Variants in GANC observed in about 807,000 individuals in gnomAD.
GANC encodes neutral alpha-glucosidase C.
Under a neutral mutation model 124.2 loss-of-function variants are expected in GANC, and 117 were observed. The observed-to-expected ratio is 0.94, with a 90% CI of 0.81 to 1.10. The LOEUF is 1.10. Among genes scored for constraint, GANC ranks in the 50% least tolerant of loss-of-function variants. The probability of loss-of-function intolerance (pLI) is 0.00; values close to 1 mark genes in which losing one functional copy is unlikely to be tolerated. For missense variants in GANC, 1,140 were observed against 1,095.0 expected, an observed-to-expected ratio of 1.04 and a Z score of -0.58; for synonymous variants, 377 against 376.8, an observed-to-expected ratio of 1.00 and a Z score of -0.01.
chr15:42,278,340 T>C lies in GANC; in HGVS notation c.93-142T>C, dbSNP rs186153143. The C allele has an allele frequency of 1.6e-3, 841 of 523,300 alleles. 2 individuals carry two copies. The highest frequency in any genetic ancestry group is 2.7e-3 in the Non-Finnish European group (784 of 287,026). 32.4% of individuals were successfully genotyped at this position (523,300 alleles called of 1,614,324 possible). On this transcript the variant is annotated intron_variant, in intron 2 of 23. Transcript: ENST00000318010. Reference sequence around the variant, plus strand: ...ATAATAAAGTTCCTGATTAGCACTTTATTATAGTACTAATACTGTTTGTGC... The same window carrying C: ...ATAATAAAGTTCCTGATTAGCACTTCATTATAGTACTAATACTGTTTGTGC...
chr15:42,348,466 C>T (rs370420010), intron 21 of GANC, among the ~76,000 whole-genome samples: 40 of 152,296 alleles, frequency 2.6e-4, no homozygotes, highest in East Asian at 2.3e-3. Flanking sequence ...TTCAACTTGA[C>T]GTTGATTACT....
Position 42,310,747 on chromosome 15 carries a change from AC to A in GANC, c.959del (p.Thr320IlefsTer17), listed in dbSNP as rs757653747. 1 of 1,614,040 alleles carries A rather than the reference AC, an allele frequency of 6.2e-7. No individual in the cohort carries two copies. The highest frequency in any genetic ancestry group is 1.7e-5 in the Admixed American group (1 of 60,010). On this transcript the variant is annotated frameshift_variant, in exon 10 of 24. Coordinates refer to ENST00000318010, the MANE Select transcript of GANC (RefSeq NM_198141.3). LOFTEE classifies it high-confidence loss of function. ...VAAKQKVRSR[T>X]HVHWMSESGI... ...TGCTAAACAAAAGGTCAGATCTCGC[AC>A]TCATGTGCACTGGATGTCAGAGAGT...
At chr15:42,328,498 TA>T (rs2052214239) in intron 13 of GANC, among the ~76,000 whole-genome samples, 1 of 114,054 alleles carries the variant, frequency 8.8e-6, no homozygotes. Flanking sequence ...TGTTTAGAAA[TA>T]AAGATTCAAA....
chr15:42,342,320 A>G (rs905928613), intron 18 of GANC, among the ~76,000 whole-genome samples: 3 of 152,240 alleles, frequency 2.0e-5, no homozygotes, highest in Non-Finnish European at 2.9e-5. Flanking sequence ...ATGGTGGCTC[A>G]TGCCTGTAAT....
intron 15 of GANC, among the ~76,000 whole-genome samples, chr15:42,331,248 T>A (rs1392730315): frequency 1.3e-5 from 2 of 152,216 alleles, no homozygotes; most frequent in African/African-American, 4.8e-5. Flanking sequence ...ACTTCGTTGT[T>A]GGGAGAGTAA....
chr15:42,345,437 A>C (rs1287594756), intron 19 of GANC, among the ~76,000 whole-genome samples: 3 of 152,120 alleles, frequency 2.0e-5, no homozygotes, highest in Admixed American at 2.0e-4. Flanking sequence ...ATCCATGAGG[A>C]CAGGAACTAT....
At chr15:42,321,321 T>C (rs761530344) in intron 10 of GANC, among the ~76,000 whole-genome samples, 1 of 152,218 alleles carries the variant, frequency 6.6e-6, no homozygotes, top group Non-Finnish European at 1.5e-5. Flanking sequence ...CTGGTCTCTC[T>C]CACAGTGATA....
At chr15:42,307,122 C>T (rs939004512) in intron 7 of GANC, among the ~76,000 whole-genome samples, 7 of 152,098 alleles carry the variant, frequency 4.6e-5, no homozygotes, top group East Asian at 1.9e-4. Context: ...CTTTCAGGTA[C>T]TTGGGGCTTA....
At chr15:42,306,373 T>C (rs1398477761) in intron 6 of GANC, among the ~76,000 whole-genome samples, 173 bp from the exon 7 acceptor site, 1 of 152,230 alleles carries the variant, frequency 6.6e-6, no homozygotes, top group Non-Finnish European at 1.5e-5. Flanking sequence ...CTGACATGTA[T>C]ATAGAACACA....
Position 42,339,761 on chromosome 15 carries a change from G to A in GANC, c.1936G>A (p.Ala646Thr). 6.2e-7 allele frequency: 1 copy of A among 1,614,152 alleles called. No individual in the cohort carries two copies. The highest frequency in any genetic ancestry group is 2.2e-5 in the East Asian group (1 of 44,878). ...GAYQPFFRGH[A>T]TMNTKRREPW... The stretch of plus-strand genomic sequence containing the variant: ...CTACCAGCCCTTCTTCCGTGGCCAT[G>A]CCACCATGAACACCAAGCGACGAGA... The change falls in exon 17 of 24, where the codon GCC (alanine) becomes ACC (threonine). Residue 646 changes from alanine (A) to threonine (T), a missense_variant. Ala to Thr is a moderately conservative substitution (Grantham distance 58). Transcript: ENST00000318010.
chr15:42,307,864 C>T, intron 7 of GANC, among the ~76,000 whole-genome samples: 1 of 151,944 alleles, frequency 6.6e-6, no homozygotes, highest in South Asian at 2.1e-4. Flanking sequence ...CCTTTGCTTC[C>T]TAAAGCAAAG....
At chr15:42,280,772 C>T (rs1438709280) in intron 3 of GANC, 7 of 601,974 alleles carry the variant, frequency 1.2e-5, no homozygotes, top group South Asian at 8.0e-5. Flanking sequence ...CAAAATCACC[C>T]GGAATATCAG....
At position 42,339,920 on chromosome 15, in the gene GANC, A is replaced by G. The variant is rs2052316807; in HGVS notation, c.2087+8A>G. The G allele has an allele frequency of 2.5e-6, 4 of 1,608,862 alleles. No individual in the cohort carries two copies. Among genetic ancestry groups the G allele is most frequent in the Non-Finnish European group, 3.4e-6 (4 of 1,176,504 alleles). On this transcript the variant is annotated splice_region_variant and intron_variant, in intron 17 of 23. Transcript: ENST00000318010. ...TTCCCAACCTGTCATGAGGTAAAAAAGCTTCATCCATTCAGGGACCCCAGC... is the reference window on the plus strand; with the variant it reads ...TTCCCAACCTGTCATGAGGTAAAAAGGCTTCATCCATTCAGGGACCCCAGC...
In GANC at chr15:42,332,887, G is replaced by A. The variant is rs1192079538; in HGVS notation, c.1741+2215G>A. 7.3e-5 allele frequency among the ~76,000 whole-genome samples: 11 copies of A among 150,150 alleles called. No homozygotes were observed. In the East Asian group the frequency reaches 7.8e-4, roughly 11 times the overall value. On this transcript the variant is annotated intron_variant, in intron 15 of 23. Coordinates refer to ENST00000318010, the MANE Select transcript of GANC (RefSeq NM_198141.3). ...AAAAAAAAAATAGCTGCGTGGTAGC[G>A]CGCACCTGTAATCCCAGCTACTAGG...
intron 18 of GANC, among the ~76,000 whole-genome samples, chr15:42,341,804 T>G (rs1288978812): frequency 2.0e-5 from 3 of 152,172 alleles, no homozygotes; most frequent in African/African-American, 7.2e-5. Flanking sequence ...CCTCAGGTGA[T>G]CCACCCACCT....
rs754601973 is a variant in GANC, at chr15:42,340,735, G to A, written c.2133G>A (p.Met711Ile). ...EFPDELKTFD[M>I]EDEYMLGSAL... ...CTGATGAACTAAAGACTTTTGATAT[G>A]GAAGATGAATACATGCTGGGTGAGC... The change falls in exon 18 of 24, where the codon ATG becomes ATA. Residue 711 changes from methionine to isoleucine, a missense_variant. Met to Ile is a conservative substitution (Grantham distance 10). Transcript: ENST00000318010. 3.4e-5 allele frequency: 54 copies of A among 1,603,542 alleles called. No homozygotes were observed. In the South Asian group the frequency reaches 5.7e-4, roughly 17 times the overall value.
intron 3 of GANC, among the ~76,000 whole-genome samples, chr15:42,278,970 G>A (rs1025238655): frequency 1.8e-4 from 28 of 152,144 alleles, no homozygotes; most frequent in African/African-American, 6.3e-4. Flanking sequence ...ACTTCAGCCT[G>A]GGTGACACAG....
At position 42,273,546 on chromosome 15, in the gene GANC, C is replaced by G; in HGVS notation, c.-936C>G. The G allele has an allele frequency of 7.3e-7, 1 of 1,369,748 alleles. No individual in the cohort carries two copies. The highest frequency in any genetic ancestry group is 1.4e-5 in the South Asian group (1 of 71,484). 84.8% of individuals were successfully genotyped at this position (1,369,748 alleles called of 1,614,324 possible). ...CTGTGCGGCGTAGCGGCCCCTCTCT[C>G]AGACAGTCGTCTGTGCGCCGTGAGA... On this transcript the variant is annotated 5_prime_UTR_variant, in exon 1 of 24. Coordinates refer to ENST00000318010, the MANE Select transcript of GANC (RefSeq NM_198141.3).
At chr15:42,276,851 T>A (rs545267693) in intron 2 of GANC, among the ~76,000 whole-genome samples, 47 of 152,332 alleles carry the variant, frequency 3.1e-4, no homozygotes, top group African/African-American at 1.1e-3. Flanking sequence ...CTTTTCTCTT[T>A]TTTTAATCAC....
Sources: gnomAD v4.1 joint callset for allele counts (sites outside exome capture counted in the v4.1 genomes callset) on GRCh38, gnomAD v4.1.1 for gene constraint, MANE v1.5 for transcripts, NCBI Gene and HGNC (gene_info 2026-07-23, HGNC 2026-07-21) for gene names.